The following XYLT1 variants were observed in gnomAD, a reference collection of about 807,000 sequenced individuals.
XYLT1 encodes the protein beta-D-xylosyltransferase 1.
Under a neutral mutation model 91.3 loss-of-function variants are expected in XYLT1, and 36 were observed. The ratio of observed to expected loss-of-function variants is 0.39; its 90% confidence interval spans 0.30 to 0.52. XYLT1 has a LOEUF of 0.52. XYLT1 is among the 20% of genes least tolerant of loss of function. The pLI is 0.68. For missense variants in XYLT1, 1,242 were observed against 1,284.5 expected (o/e 0.97, Z 0.51); for synonymous variants, 588 against 532.0 (o/e 1.11, Z -1.45).
At chr16:17,199,538 G>A (rs1002353691) in intron 4 of XYLT1, among the ~76,000 whole-genome samples, 1 of 152,170 alleles carries the variant, frequency 6.6e-6, no homozygotes, top group Non-Finnish European at 1.5e-5. Flanking sequence ...ATCTAATCTT[G>A]AATTGTAGCT....
chr16:17,229,856 C>T (rs1316300438), intron 3 of XYLT1, among the ~76,000 whole-genome samples: 1 of 152,192 alleles, frequency 6.6e-6, no homozygotes, highest in Non-Finnish European at 1.5e-5. Flanking sequence ...TTTAGAAATA[C>T]AGTCTCTGCA....
intron 1 of XYLT1, among the ~76,000 whole-genome samples, chr16:17,427,238 G>A (rs995630082): frequency 1.3e-5 from 2 of 152,332 alleles, no homozygotes; most frequent in African/African-American, 2.4e-5. Flanking sequence ...AAATGTTGAC[G>A]CTTGGCTCAA....
intron 2 of XYLT1, among the ~76,000 whole-genome samples, chr16:17,321,228 C>T (rs1041388803): frequency 2.6e-5 from 4 of 151,778 alleles, no homozygotes; most frequent in African/African-American, 2.4e-5. Context: ...CCACTATAAA[C>T]GCCTCATGCT....
chr16:17,450,527 T>C (rs964408276), intron 1 of XYLT1, among the ~76,000 whole-genome samples: 1 of 152,058 alleles, frequency 6.6e-6, no homozygotes, highest in Non-Finnish European at 1.5e-5. Context: ...AGAAGAGACA[T>C]GTGCAATCAG....
At chr16:17,159,511 G>A (rs993126828) in intron 5 of XYLT1, among the ~76,000 whole-genome samples, 1 of 152,158 alleles carries the variant, frequency 6.6e-6, no homozygotes, top group Non-Finnish European at 1.5e-5. Context: ...ACAGAGCCCA[G>A]CTGGATTTGT....
intron 3 of XYLT1, among the ~76,000 whole-genome samples, chr16:17,203,274 T>C (rs2032576427): frequency 1.3e-5 from 2 of 152,220 alleles, no homozygotes; most frequent in Admixed American, 6.5e-5. Flanking sequence ...ACATAGGTAT[T>C]CCAGTATTTC....
chr16:17,332,118 G>A (rs878963836), intron 2 of XYLT1, among the ~76,000 whole-genome samples: 2 of 152,194 alleles, frequency 1.3e-5, no homozygotes, highest in East Asian at 1.9e-4. Flanking sequence ...AGATACAACC[G>A]TGTGGCCCTG....
chr16:17,327,786 C>G (rs180847953), intron 2 of XYLT1, among the ~76,000 whole-genome samples: 1 of 152,100 alleles, frequency 6.6e-6, no homozygotes, highest in Admixed American at 6.5e-5. Context: ...GCATTTTCCT[C>G]GTCTTAAATT....
intron 5 of XYLT1, among the ~76,000 whole-genome samples, chr16:17,162,812 A>G (rs1210761270): frequency 6.6e-6 from 1 of 152,164 alleles, no homozygotes; most frequent in Non-Finnish European, 1.5e-5. Context: ...AAAATTTCAG[A>G]AGCATTGCTG....
At chr16:17,111,021 G>T (rs368101894) in intron 11 of XYLT1, among the ~76,000 whole-genome samples, 3 of 152,154 alleles carry the variant, frequency 2.0e-5, no homozygotes, top group African/African-American at 4.8e-5. Context: ...TAAGCCGGGC[G>T]TGATGGCTGA....
chr16:17,380,286 T>C (rs2035662746), intron 1 of XYLT1, among the ~76,000 whole-genome samples: 1 of 152,164 alleles, frequency 6.6e-6, no homozygotes. Flanking sequence ...AGAATCTGTC[T>C]CTAAATAAAT....
chr16:17,445,129 A>C (rs935171256), intron 1 of XYLT1, among the ~76,000 whole-genome samples: 1 of 152,134 alleles, frequency 6.6e-6, no homozygotes, highest in Non-Finnish European at 1.5e-5. Context: ...CCTCCCAAGT[A>C]GCTAGGACCA....
Position 17,103,504 on chromosome 16 carries a change from T to A in XYLT1, c.*5191A>T, listed in dbSNP as rs78521919. The A allele has an allele frequency of 6.6e-6, 1 of 152,350 alleles. No individual in the cohort carries two copies. The highest frequency in any genetic ancestry group is 1.9e-4 in the East Asian group (1 of 5,186). 9.4% of individuals were successfully genotyped at this position (152,350 alleles called of 1,614,324 possible). Reference sequence around the variant, plus strand: ...CCACAGAAGCTTCACGATGCTGTCTTCTCTGATGTTGGTGGAGATGGGAGG... The same window carrying A: ...CCACAGAAGCTTCACGATGCTGTCTACTCTGATGTTGGTGGAGATGGGAGG... On this transcript the variant is annotated 3_prime_UTR_variant, in exon 12 of 12. Coordinates refer to ENST00000261381, the MANE Select transcript of XYLT1 (RefSeq NM_022166.4).
At chr16:17,288,922 G>T (rs2034180693) in intron 2 of XYLT1, among the ~76,000 whole-genome samples, 1 of 152,078 alleles carries the variant, frequency 6.6e-6, no homozygotes, top group Non-Finnish European at 1.5e-5. Flanking sequence ...GAGGTGATTT[G>T]TTAAAACATC....
At position 17,108,338 on chromosome 16, in the gene XYLT1, T is replaced by C. The variant is rs1966806247; in HGVS notation, c.*357A>G. ...CACCCTGAACCTCCACTTATGACTG[T>C]GCTCCGTAAACGAAGTTCTGCTGCT... On this transcript the variant is annotated 3_prime_UTR_variant, in exon 12 of 12. Coordinates refer to ENST00000261381, the MANE Select transcript of XYLT1 (RefSeq NM_022166.4). The C allele has an allele frequency of 4.8e-6, 1 of 206,882 alleles. No homozygotes were observed. The highest frequency in any genetic ancestry group is 1.7e-4 in the South Asian group (1 of 6,034). 12.8% of individuals were successfully genotyped at this position (206,882 alleles called of 1,614,324 possible). A position where few individuals can be genotyped will look rare whatever the true frequency, so the allele number is the denominator to read the frequency against.
Position 17,369,056 on chromosome 16 carries a change from A to AAAAAAAAG in XYLT1, c.364-11014_364-11007dup, listed in dbSNP as rs1204716392. ...CTTAATATCTTCAGAGAGGTTTAAA[A>AAAAAAAAG]AAAAAAAGAAAAAAAGGTAACCAAA... On this transcript the variant is annotated intron_variant, in intron 1 of 11. Coordinates refer to ENST00000261381, the MANE Select transcript of XYLT1 (RefSeq NM_022166.4). 8.7e-4 allele frequency among the ~76,000 whole-genome samples: 132 copies of AAAAAAAAG among 151,948 alleles called. 3 individuals carry two copies. Among genetic ancestry groups the AAAAAAAAG allele is most frequent in the Non-Finnish European group, 1.3e-4 (9 of 67,952 alleles).
intron 6 of XYLT1, among the ~76,000 whole-genome samples, chr16:17,150,735 G>A (rs889491856): frequency 2.0e-5 from 3 of 152,128 alleles, no homozygotes; most frequent in African/African-American, 4.8e-5. Flanking sequence ...AGTAGACATC[G>A]AGAAATATGA....
chr16:17,225,616 A>C (rs548836594), intron 3 of XYLT1, among the ~76,000 whole-genome samples: 87 of 152,236 alleles, frequency 5.7e-4, no homozygotes, highest in African/African-American at 1.9e-3. Flanking sequence ...AAAAAAAAAA[A>C]ACCCAATTTT....
At chr16:17,206,986 C>T (rs1464656616) in intron 3 of XYLT1, among the ~76,000 whole-genome samples, 1 of 151,870 alleles carries the variant, frequency 6.6e-6, no homozygotes, top group Non-Finnish European at 1.5e-5. Flanking sequence ...TAACCCGATC[C>T]AGGAGTTAGC....
Sources: gnomAD v4.1 joint callset for allele counts (sites outside exome capture counted in the v4.1 genomes callset) on GRCh38, gnomAD v4.1.1 for gene constraint, MANE v1.5 for transcripts, NCBI Gene and HGNC (gene_info 2026-07-23, HGNC 2026-07-21) for gene names.